MFHAS1: variants seen among roughly 807,000 people sequenced by gnomAD.
The protein encoded by MFHAS1 is malignant fibrous histiocytoma-amplified sequence 1.
Under a neutral mutation model 70.4 loss-of-function variants are expected in MFHAS1, and 50 were observed. That is an observed-to-expected ratio of 0.71 (90% CI 0.57 to 0.90). The LOEUF is 0.90. Ranked by LOEUF, MFHAS1 falls within the 40% of genes least tolerant of loss-of-function variation. The pLI is 0.00. For synonymous variants in MFHAS1, 952 were observed against 620.0 expected (o/e 1.54, Z -7.96); for missense variants, 1,795 against 1,347.6 (o/e 1.33, Z -5.20).
intron 1 of MFHAS1, among the ~76,000 whole-genome samples, chr8:8,824,706 A>G (rs1807092210): frequency 6.6e-6 from 1 of 152,240 alleles, no homozygotes; most frequent in Non-Finnish European, 1.5e-5. Context: ...AACCATTTGT[A>G]GTCCAGATGG....
chr8:8,847,490 C>T (rs1808080041), intron 1 of MFHAS1, among the ~76,000 whole-genome samples: 1 of 151,970 alleles, frequency 6.6e-6, no homozygotes, highest in Non-Finnish European at 1.5e-5. Flanking sequence ...CCAGAAATAT[C>T]TTAAGAAACA....
rs539869371 is a variant in MFHAS1 at position 8,830,504 on chromosome 8, G to C, written c.2999-33013C>G. ...ATTAAATTTAAATAGGACATTAGTGGGGGCTATTCTAGAGTTCTCTGGACC... is the reference window on the plus strand; with the variant it reads ...ATTAAATTTAAATAGGACATTAGTGCGGGCTATTCTAGAGTTCTCTGGACC... On this transcript the variant is annotated intron_variant, in intron 1 of 2. Coordinates refer to ENST00000276282, the MANE Select transcript of MFHAS1 (RefSeq NM_004225.3). 9.2e-5 allele frequency among the ~76,000 whole-genome samples: 14 copies of C among 152,202 alleles called. No individual in the cohort carries two copies. In the East Asian group the frequency reaches 2.7e-3, roughly 29 times the overall value.
intron 1 of MFHAS1, among the ~76,000 whole-genome samples, chr8:8,856,641 T>C (rs1433208572): frequency 6.6e-6 from 1 of 152,200 alleles, no homozygotes; most frequent in Non-Finnish European, 1.5e-5. Context: ...CATTTCAATA[T>C]TAAAAATACT....
At chr8:8,855,061 C>T (rs1808385856) in intron 1 of MFHAS1, among the ~76,000 whole-genome samples, 1 of 152,152 alleles carries the variant, frequency 6.6e-6, no homozygotes, top group Non-Finnish European at 1.5e-5. Flanking sequence ...AGTCGTGGTC[C>T]TCCCTCAGTA....
At chr8:8,856,980 G>GAAAA (rs59496543) in intron 1 of MFHAS1, among the ~76,000 whole-genome samples, 14 of 53,390 alleles carry the variant, frequency 2.6e-4, no homozygotes, top group African/African-American at 5.2e-4. Flanking sequence ...TCAGGAAAGT[G>GAAAA]AAAAAAAAAA....
intron 1 of MFHAS1, among the ~76,000 whole-genome samples, chr8:8,828,692 G>T (rs1196554992): frequency 6.6e-6 from 1 of 152,170 alleles, no homozygotes. Flanking sequence ...TGCCCACTAA[G>T]CAGTGACACT....
chr8:8,803,951 G>A (rs914996484), intron 1 of MFHAS1, among the ~76,000 whole-genome samples: 3 of 152,242 alleles, frequency 2.0e-5, no homozygotes, highest in African/African-American at 4.8e-5. Context: ...CAGCCTGGGC[G>A]ACAGAGTGAG....
At chr8:8,832,627 CTTTTTTTT>C (rs137896964) in intron 1 of MFHAS1, among the ~76,000 whole-genome samples, 3 of 121,922 alleles carry the variant, frequency 2.5e-5, no homozygotes, top group East Asian at 2.4e-4. Context: ...GAATTTTTTT[CTTTTTTTT>C]TTTTTTTTTT....
chr8:8,862,241 G>C (rs1012670592), intron 1 of MFHAS1, among the ~76,000 whole-genome samples: 12 of 152,122 alleles, frequency 7.9e-5, no homozygotes, highest in African/African-American at 1.9e-4. Flanking sequence ...ACATGCACTA[G>C]TATCTCCTAG....
chr8:8,853,213 C>G (rs920482496), intron 1 of MFHAS1, among the ~76,000 whole-genome samples: 1 of 151,878 alleles, frequency 6.6e-6, no homozygotes, highest in Non-Finnish European at 1.5e-5. Flanking sequence ...TCACATACCC[C>G]CCAAAAAAAA....
chr8:8,853,169 C>CA lies in MFHAS1; in HGVS notation c.2998+36891dup, dbSNP rs3838331. On this transcript the variant is annotated intron_variant, in intron 1 of 2. Coordinates refer to ENST00000276282, the MANE Select transcript of MFHAS1 (RefSeq NM_004225.3). ...CCACCCACTCAGGCTTATTTACTTG[C>CA]ACTGTGTACATATACACCGACTCAC... 2.1e-4 allele frequency among the ~76,000 whole-genome samples: 32 copies of CA among 152,102 alleles called. No individual in the cohort carries two copies. In the East Asian group the frequency reaches 6.0e-3, roughly 28 times the overall value.
At chr8:8,878,402 G>A (rs1355233195) in intron 1 of MFHAS1, among the ~76,000 whole-genome samples, 1 of 152,056 alleles carries the variant, frequency 6.6e-6, no homozygotes, top group Non-Finnish European at 1.5e-5. Context: ...CTGCTGTGGG[G>A]ATTAAATAAG....
intron 2 of MFHAS1, among the ~76,000 whole-genome samples, chr8:8,795,607 G>C (rs1325004975): frequency 1.3e-5 from 2 of 152,184 alleles, no homozygotes; most frequent in African/African-American, 4.8e-5. Flanking sequence ...TCTATGTAAT[G>C]AGTTTCCCAG....
At chr8:8,865,743 G>A (rs948301426) in intron 1 of MFHAS1, among the ~76,000 whole-genome samples, 2 of 152,220 alleles carry the variant, frequency 1.3e-5, no homozygotes, top group African/African-American at 4.8e-5. Context: ...AAACCAGGCA[G>A]CCACTTAGTC....
At chr8:8,819,330 G>A (rs889876757) in intron 1 of MFHAS1, among the ~76,000 whole-genome samples, 3 of 152,094 alleles carry the variant, frequency 2.0e-5, no homozygotes, top group Middle Eastern at 3.2e-3. Context: ...AATTGGCCGG[G>A]TGCGGTGGCT....
chr8:8,880,312 G>T (rs1434946064), intron 1 of MFHAS1, among the ~76,000 whole-genome samples: 1 of 152,314 alleles, frequency 6.6e-6, no homozygotes, highest in African/African-American at 2.4e-5. Flanking sequence ...CCCCTCCAAA[G>T]GTGCTTGGCT....
At chr8:8,881,916 T>C (rs1271795974) in intron 1 of MFHAS1, among the ~76,000 whole-genome samples, 1 of 152,010 alleles carries the variant, frequency 6.6e-6, no homozygotes, top group African/African-American at 2.4e-5. Flanking sequence ...AGGCTTTCTG[T>C]GGCCAGCTCC....
At chr8:8,798,760 G>T (rs908545419) in intron 1 of MFHAS1, among the ~76,000 whole-genome samples, 1 of 152,148 alleles carries the variant, frequency 6.6e-6, no homozygotes, top group Admixed American at 6.5e-5. Flanking sequence ...AAATTCTAGA[G>T]ACTCCGGGCT....
intron 1 of MFHAS1, among the ~76,000 whole-genome samples, chr8:8,878,421 T>C (rs958954541): frequency 3.3e-5 from 5 of 152,086 alleles, no homozygotes; most frequent in Admixed American, 6.5e-5. Flanking sequence ...AGATCACCCC[T>C]AGGAGGCACT....
Sources: gnomAD v4.1 joint callset for allele counts (sites outside exome capture counted in the v4.1 genomes callset) on GRCh38, gnomAD v4.1.1 for gene constraint, MANE v1.5 for transcripts, NCBI Gene and HGNC (gene_info 2026-07-23, HGNC 2026-07-21) for gene names.